The following FBLN7 variants were observed in gnomAD, a reference collection of about 807,000 sequenced individuals.
FBLN7 encodes the protein fibulin-7.
FBLN7 carries 31 observed loss-of-function variants against 44.0 expected under a neutral mutation model. The ratio of observed to expected loss-of-function variants is 0.70; its 90% CI spans 0.53 to 0.95. The LOEUF (loss-of-function observed/expected upper bound fraction) is 0.95. FBLN7 is among the 40% of genes least tolerant of loss of function. The pLI is 0.00. For synonymous variants in FBLN7, 262 were observed against 253.4 expected, an observed-to-expected ratio of 1.03 and a Z score of -0.32; for missense variants, 573 against 618.5, an observed-to-expected ratio of 0.93 and a Z score of 0.78.
At chr2:112,228,961 G>A in the FBLN7 span, among the ~76,000 whole-genome samples, 24 of 152,110 alleles carry the variant, frequency 1.6e-4, no homozygotes, top group African/African-American at 5.8e-4. Flanking sequence ...GATGTTCATA[G>A]TCATTTGAGA....
the FBLN7 span, among the ~76,000 whole-genome samples, chr2:112,234,754 T>C: frequency 6.6e-6 from 1 of 151,306 alleles, no homozygotes; most frequent in Non-Finnish European, 1.5e-5. Context: ...GAGCCAAGAT[T>C]GCACCACTGT....
At chr2:112,228,344 A>C in the FBLN7 span, among the ~76,000 whole-genome samples, 1 of 152,172 alleles carries the variant, frequency 6.6e-6, no homozygotes, top group African/African-American at 2.4e-5. Context: ...TCTACTAAAA[A>C]TAACAAAAAT....
the FBLN7 span, among the ~76,000 whole-genome samples, chr2:112,241,439 A>G: frequency 3.3e-5 from 5 of 150,836 alleles, no homozygotes; most frequent in South Asian, 4.2e-4. Flanking sequence ...CTGTCCAGAG[A>G]CCCCCCCCTC....
chr2:112,155,409 C>G (rs1228175018), intron 1 of FBLN7, among the ~76,000 whole-genome samples: 1 of 152,226 alleles, frequency 6.6e-6, no homozygotes, highest in East Asian at 1.9e-4. Flanking sequence ...CACGGATACT[C>G]TCTGCTTCTC....
intron 3 of FBLN7, among the ~76,000 whole-genome samples, chr2:112,172,297 G>A (rs541394562): frequency 3.3e-5 from 5 of 152,214 alleles, no homozygotes; most frequent in African/African-American, 9.6e-5. Context: ...CTGCCTCAGC[G>A]AGTGTCACTA....
the FBLN7 span, among the ~76,000 whole-genome samples, chr2:112,209,408 A>G: frequency 5.9e-5 from 9 of 152,178 alleles, no homozygotes; most frequent in Non-Finnish European, 1.0e-4. Flanking sequence ...AAACTCAACC[A>G]TTTTAGCTTT....
rs765162406 is a variant in FBLN7, at chr2:112,187,242, C to T, written c.1056C>T (p.Ile352=). The change falls in exon 8 of 8, where the codon ATC becomes ATT. Residue 352 remains isoleucine (I), a synonymous_variant. Transcript: ENST00000331203. This position sits in a 1 kb window ranked among gnomAD's most constrained non-coding sequence, Gnocchi z 5.1. The stretch of plus-strand genomic sequence containing the variant: ...TGCCTTCCAACCTGAAGACGCCCAT[C>T]ACGCTCTTCCGCATGGCCACAGCCT... The part of the protein sequence containing the change: ...LSLPSNLKTP[I]TLFRMATASA... The T allele has an allele frequency of 1.2e-6, 2 of 1,613,986 alleles. No individual in the cohort carries two copies. Among genetic ancestry groups the T allele is most frequent in the Non-Finnish European group, 8.5e-7 (1 of 1,180,032 alleles).
chr2:112,182,998 A>T lies in FBLN7; in HGVS notation c.808+70A>T. The stretch of plus-strand genomic sequence containing the variant: ...CTGTGCTGAACCCCCAGGACCTCAC[A>T]GTCGGGAGTGAGGTGGTTAGGAGAG... On this transcript the variant is annotated intron_variant, in intron 6 of 7. Coordinates refer to ENST00000331203, the MANE Select transcript of FBLN7 (RefSeq NM_153214.3). 3 of 1,574,034 alleles carry T rather than the reference A, an allele frequency of 1.9e-6. No individual in the cohort carries two copies. The South Asian group carries it at 3.5e-5, about 18-fold the overall frequency.
At chr2:112,186,635 G>A (rs1683282388) in intron 7 of FBLN7, among the ~76,000 whole-genome samples, 1 of 152,048 alleles carries the variant, frequency 6.6e-6, no homozygotes, top group Non-Finnish European at 1.5e-5. Context: ...GTGAGACTCT[G>A]TCTAAAAATA....
chr2:112,219,144 C>G, the FBLN7 span, among the ~76,000 whole-genome samples: 1 of 152,052 alleles, frequency 6.6e-6, no homozygotes, highest in Non-Finnish European at 1.5e-5. Context: ...TAGCCAAAAT[C>G]TTGAAAAAGA....
chr2:112,199,160 A>T, the FBLN7 span, among the ~76,000 whole-genome samples: 13 of 152,186 alleles, frequency 8.5e-5, no homozygotes, highest in Non-Finnish European at 1.8e-4. Context: ...ATTCCATAGA[A>T]ATGCCTCCCA....
the FBLN7 span, chr2:112,234,129 T>C: frequency 6.4e-7 from 1 of 1,572,084 alleles, no homozygotes; most frequent in South Asian, 1.2e-5. Context: ...CCTTAATACA[T>C]TTCCTTTCAA....
At position 112,138,543 on chromosome 2, in the gene FBLN7, C is replaced by G. The variant is rs1680459881; in HGVS notation, c.-113C>G. 6.7e-7 allele frequency: 1 copy of G among 1,488,052 alleles called. No homozygotes were observed. The highest frequency in any genetic ancestry group is 9.1e-7 in the Non-Finnish European group (1 of 1,103,282). 92.2% of individuals were successfully genotyped at this position (1,488,052 alleles called of 1,614,324 possible). A position where few individuals can be genotyped will look rare whatever the true frequency, so the allele number is the denominator to read the frequency against. On this transcript the variant is annotated 5_prime_UTR_variant, in exon 1 of 8. Transcript: ENST00000331203. ...CTCCCCCCCTGCCCCAGCCGCCCCC[C>G]GGCCGCGCGGCGCCCCGCACCCTGC...
chr2:112,140,439 C>T (rs1034758751), intron 1 of FBLN7, among the ~76,000 whole-genome samples: 3 of 152,164 alleles, frequency 2.0e-5, no homozygotes, highest in Admixed American at 6.5e-5. Flanking sequence ...GTTGAGAGCT[C>T]GGAGCGATGC....
the FBLN7 span, among the ~76,000 whole-genome samples, chr2:112,233,587 T>A: frequency 3.3e-5 from 5 of 152,288 alleles, no homozygotes; most frequent in African/African-American, 1.2e-4. Context: ...AAGCATTTTT[T>A]AAAATTATCA....
At chr2:112,214,235 C>G in the FBLN7 span, 76 of 152,180 alleles carry the variant, frequency 5.0e-4, no homozygotes, top group African/African-American at 1.8e-3. Context: ...TGTGAGCCAC[C>G]GCGCCCAGCT....
intron 4 of FBLN7, among the ~76,000 whole-genome samples, chr2:112,181,187 G>A (rs1447212426): frequency 1.3e-5 from 2 of 152,096 alleles, no homozygotes; most frequent in Non-Finnish European, 2.9e-5. Flanking sequence ...TCTACTTGAG[G>A]GGTTGGGGAG....
At chr2:112,189,980 T>C (rs1683432357), downstream of FBLN7, 1 of 152,246 alleles carries the variant, frequency 6.6e-6, no homozygotes. Context: ...CTGTGATTTA[T>C]TGATATGCAT....
intron 1 of FBLN7, among the ~76,000 whole-genome samples, chr2:112,159,129 TA>T (rs374527549): frequency 1.9e-4 from 29 of 149,756 alleles, no homozygotes; most frequent in South Asian, 4.2e-4. Context: ...TTCTATGGCT[TA>T]AAAAAAAAAT....
Sources: gnomAD v4.1 joint callset for allele counts (sites outside exome capture counted in the v4.1 genomes callset) on GRCh38, gnomAD v4.1.1 for gene constraint, Gnocchi (gnomAD v3.1) non-coding constraint, MANE v1.5 for transcripts, NCBI Gene and HGNC (gene_info 2026-07-23, HGNC 2026-07-21) for gene names.